Variants in HS3ST3A1 observed in about 807,000 individuals in gnomAD.
HS3ST3A1 encodes the protein heparan sulfate glucosamine 3-O-sulfotransferase 3A1.
A neutral mutation model predicts 25.7 loss-of-function variants in HS3ST3A1; 19 were observed. The ratio of observed to expected loss-of-function variants is 0.74; its 90% confidence interval spans 0.52 to 1.08. The LOEUF is 1.08. HS3ST3A1 is among the 50% of genes least tolerant of loss of function. The probability of loss-of-function intolerance (pLI) is 0.00; values close to 1 mark genes in which losing one functional copy is unlikely to be tolerated. For synonymous variants in HS3ST3A1, 226 were observed against 278.6 expected (o/e 0.81, Z 1.88); for missense variants, 459 against 594.3 (o/e 0.77, Z 2.37).
At chr17:13,569,660 G>A (rs148659885) in intron 1 of HS3ST3A1, among the ~76,000 whole-genome samples, 8 of 152,202 alleles carry the variant, frequency 5.3e-5, no homozygotes, top group East Asian at 1.9e-4. Context: ...TTTTTCAGGC[G>A]TTCATTTTTT....
At chr17:13,591,942 A>G (rs9910118) in intron 1 of HS3ST3A1, among the ~76,000 whole-genome samples, 105,440 of 152,022 alleles carry the variant, frequency 0.69, 37,250 homozygotes, top group Non-Finnish European at 0.75. Flanking sequence ...TTCCAGGCAT[A>G]AGCCACCACA....
At position 13,494,989 on chromosome 17, in the gene HS3ST3A1, A is replaced by G. The variant is rs1905229138; in HGVS notation, c.*1208T>C. On this transcript the variant is annotated 3_prime_UTR_variant, in exon 2 of 2. Coordinates refer to ENST00000284110, the MANE Select transcript of HS3ST3A1 (RefSeq NM_006042.3). Reference sequence around the variant, plus strand: ...TCCTCCATCCATGAAAAATAAAAACATTTTAAACGAACTGCTAATTAATTC... The same window carrying G: ...TCCTCCATCCATGAAAAATAAAAACGTTTTAAACGAACTGCTAATTAATTC... Among the ~76,000 whole-genome samples, 1 of 152,196 alleles carries G rather than the reference A, an allele frequency of 6.6e-6. No homozygotes were observed. The highest frequency in any genetic ancestry group is 6.5e-5 in the Admixed American group (1 of 15,278).
intron 1 of HS3ST3A1, among the ~76,000 whole-genome samples, chr17:13,575,690 T>A (rs766273309): frequency 2.0e-5 from 3 of 152,108 alleles, no homozygotes; most frequent in Non-Finnish European, 2.9e-5. Flanking sequence ...TGGAAAATAA[T>A]GAGCTGATAA....
At chr17:13,554,027 G>A (rs2142358840) in intron 1 of HS3ST3A1, among the ~76,000 whole-genome samples, 1 of 152,326 alleles carries the variant, frequency 6.6e-6, no homozygotes, top group East Asian at 1.9e-4. Flanking sequence ...AAAGGTAAGG[G>A]AGTGATGCCA....
chr17:13,592,131 A>G (rs757251218), intron 1 of HS3ST3A1, among the ~76,000 whole-genome samples: 7 of 152,136 alleles, frequency 4.6e-5, no homozygotes, highest in Non-Finnish European at 1.0e-4. Flanking sequence ...CATCACAGAG[A>G]CCATTCACCC....
At chr17:13,539,109 G>GAAGA (rs1567618042) in intron 1 of HS3ST3A1, among the ~76,000 whole-genome samples, 1 of 152,168 alleles carries the variant, frequency 6.6e-6, no homozygotes, top group African/African-American at 2.4e-5. Flanking sequence ...TCTGGGAGCT[G>GAAGA]TCTGGGCCTC....
chr17:13,549,885 T>C (rs1051851600), intron 1 of HS3ST3A1, among the ~76,000 whole-genome samples: 1 of 152,228 alleles, frequency 6.6e-6, no homozygotes, highest in Non-Finnish European at 1.5e-5. Flanking sequence ...GGAACCTTGA[T>C]TCATTTCTTA....
intron 1 of HS3ST3A1, among the ~76,000 whole-genome samples, chr17:13,506,901 C>CAAAAAAAAA (rs958583882): frequency 9.9e-6 from 1 of 101,238 alleles, no homozygotes; most frequent in Non-Finnish European, 2.2e-5. Context: ...TACTAAAATA[C>CAAAAAAAAA]AAAAAAAAAA....
intron 1 of HS3ST3A1, among the ~76,000 whole-genome samples, chr17:13,598,515 A>G (rs1048009769): frequency 4.6e-5 from 7 of 152,228 alleles, no homozygotes; most frequent in Non-Finnish European, 7.3e-5. Flanking sequence ...AATTCAGCAA[A>G]CCGTGAAGTC....
chr17:13,540,420 G>A (rs1906896296), intron 1 of HS3ST3A1, among the ~76,000 whole-genome samples: 1 of 152,114 alleles, frequency 6.6e-6, no homozygotes, highest in African/African-American at 2.4e-5. Flanking sequence ...TTGTGTAATT[G>A]CCTCATTTGA....
chr17:13,569,962 C>T (rs190490322), intron 1 of HS3ST3A1, among the ~76,000 whole-genome samples: 1 of 152,200 alleles, frequency 6.6e-6, no homozygotes, highest in Non-Finnish European at 1.5e-5. Context: ...GATGTGTAGG[C>T]TGGAGATTCT....
At chr17:13,538,260 T>C (rs1022025659) in intron 1 of HS3ST3A1, among the ~76,000 whole-genome samples, 1 of 152,218 alleles carries the variant, frequency 6.6e-6, no homozygotes, top group Non-Finnish European at 1.5e-5. Flanking sequence ...TATTCTACTT[T>C]TTTTGCAGAC....
At chr17:13,545,750 A>G (rs7211531) in intron 1 of HS3ST3A1, among the ~76,000 whole-genome samples, 66,969 of 151,940 alleles carry the variant, frequency 0.44, 16,345 homozygotes, top group African/African-American at 0.66. Flanking sequence ...GCCGAGGCGC[A>G]TGGATCACTT....
intron 1 of HS3ST3A1, among the ~76,000 whole-genome samples, chr17:13,526,474 TTATATATATATATATA>T (rs58701744): frequency 0.016 from 1,226 of 76,308 alleles, 58 homozygotes; most frequent in African/African-American, 0.06. Flanking sequence ...ACTTTAATTT[TTATATATATATATATA>T]TATATATATA....
intron 1 of HS3ST3A1, among the ~76,000 whole-genome samples, chr17:13,533,904 G>A (rs77390961): frequency 0.046 from 6,977 of 152,268 alleles, 208 homozygotes; most frequent in African/African-American, 0.084. Context: ...CATTTTCACA[G>A]ATGTCTCAGA....
At chr17:13,578,599 T>C (rs978139721) in intron 1 of HS3ST3A1, among the ~76,000 whole-genome samples, 1 of 148,894 alleles carries the variant, frequency 6.7e-6, no homozygotes, top group Admixed American at 6.7e-5. Context: ...GTTTCCACAG[T>C]GGTGTCTGAA....
At chr17:13,547,940 G>A (rs1441738745) in intron 1 of HS3ST3A1, among the ~76,000 whole-genome samples, 9 of 97,590 alleles carry the variant, frequency 9.2e-5, no homozygotes, top group Non-Finnish European at 1.3e-4. Context: ...TGGTTGGTGT[G>A]AGCCAAAAAA....
chr17:13,594,908 T>C lies in HS3ST3A1; in HGVS notation c.599+5623A>G, dbSNP rs57779805. Reference sequence around the variant, plus strand: ...ATATGCTCTATCATGATGAGGTTTTTCAAAGTTCTCCCTTTAGGGGTTCCT... The same window carrying C: ...ATATGCTCTATCATGATGAGGTTTTCCAAAGTTCTCCCTTTAGGGGTTCCT... On this transcript the variant is annotated intron_variant, in intron 1 of 1. Coordinates refer to ENST00000284110, the MANE Select transcript of HS3ST3A1 (RefSeq NM_006042.3). Among the ~76,000 whole-genome samples the C allele has an allele frequency of 0.012, 1,872 of 152,304 alleles. 73 individuals are homozygous for C. The East Asian group carries it at 0.13, about 10-fold the overall frequency.
chr17:13,575,377 C>T (rs1055245325), intron 1 of HS3ST3A1, among the ~76,000 whole-genome samples: 9 of 152,176 alleles, frequency 5.9e-5, no homozygotes, highest in African/African-American at 2.2e-4. Flanking sequence ...TAAGACATTG[C>T]AAATGAAACA....
Sources: allele counts gnomAD v4.1 joint callset (sites outside exome capture counted in the v4.1 genomes callset), GRCh38; gene constraint gnomAD v4.1.1; transcripts MANE v1.5; gene names NCBI Gene and HGNC (gene_info 2026-07-23, HGNC 2026-07-21).